The following IL21R variants were observed in gnomAD, a reference collection of about 807,000 sequenced individuals.
IL21R encodes the protein interleukin 21 receptor, also known as interleukin-21 receptor.
Under a neutral mutation model 41.3 loss-of-function variants are expected in IL21R, and 14 were observed. The ratio of observed to expected loss-of-function variants is 0.34; its 90% CI spans 0.22 to 0.53. The LOEUF (loss-of-function observed/expected upper bound fraction) is 0.53. IL21R is among the 20% of genes least tolerant of loss of function. The pLI is 0.94. For synonymous variants in IL21R, 286 were observed against 287.6 expected, an observed-to-expected ratio of 0.99 and a Z score of 0.05; for missense variants, 588 against 681.6, an observed-to-expected ratio of 0.86 and a Z score of 1.53.
At chr16:27,433,770 A>G (rs1270661878) in intron 2 of IL21R, among the ~76,000 whole-genome samples, 1 of 152,162 alleles carries the variant, frequency 6.6e-6, no homozygotes, top group East Asian at 1.9e-4. Context: ...AAAGTGTCCG[A>G]GGGCTTTTTA....
At chr16:27,429,689 G>A (rs145088497) in intron 1 of IL21R, among the ~76,000 whole-genome samples, 1 of 152,220 alleles carries the variant, frequency 6.6e-6, no homozygotes, top group East Asian at 1.9e-4. Flanking sequence ...CAGGAGGATC[G>A]CTTGAGCCCA....
intron 1 of IL21R, among the ~76,000 whole-genome samples, chr16:27,414,210 A>C (rs2086863624): frequency 9.3e-6 from 1 of 107,280 alleles, no homozygotes; most frequent in South Asian, 4.2e-4. Context: ...AGATTAAAGA[A>C]GACTCCTCTA....
intron 1 of IL21R, among the ~76,000 whole-genome samples, chr16:27,403,539 C>A (rs533286953): frequency 6.6e-6 from 1 of 152,278 alleles, no homozygotes; most frequent in South Asian, 2.1e-4. Context: ...CTTCCTCACT[C>A]GGTGAACTTG....
chr16:27,448,581 C>T lies in IL21R; in HGVS notation c.915C>T (p.Pro305=), dbSNP rs1306255395. 6.2e-7 allele frequency: 1 copy of T among 1,612,202 alleles called. No individual in the cohort carries two copies. The highest frequency in any genetic ancestry group is 1.3e-5 in the African/African-American group (1 of 74,926). Residue 305 remains proline (P), a synonymous_variant, in exon 9 of 9, where the codon CCC becomes CCT. Coordinates refer to ENST00000337929, the MANE Select transcript of IL21R (RefSeq NM_181078.3). ...PFTGSSLELG[P]WSPEVPSTLE... ...CTGGCTCCAGCCTGGAGCTGGGACC[C>T]TGGAGCCCAGAGGTGCCCTCCACCC...
At chr16:27,439,006 C>A (rs145343402) in intron 4 of IL21R, among the ~76,000 whole-genome samples, 2 of 152,116 alleles carry the variant, frequency 1.3e-5, no homozygotes, top group African/African-American at 2.4e-5. Context: ...GCAAAGGGAG[C>A]CTGCCCTCAG....
intron 1 of IL21R, among the ~76,000 whole-genome samples, chr16:27,425,020 C>T (rs537927064): frequency 4.6e-5 from 7 of 152,300 alleles, no homozygotes; most frequent in South Asian, 4.1e-4. Context: ...CATCACCAAG[C>T]GGATGGCACT....
intron 2 of IL21R, among the ~76,000 whole-genome samples, chr16:27,431,901 C>T (rs2141286444): frequency 6.6e-6 from 1 of 152,340 alleles, no homozygotes; most frequent in South Asian, 2.1e-4. Context: ...GCCTCGGCCT[C>T]CCAAAAGTGC....
At position 27,448,723 on chromosome 16, in the gene IL21R, C is replaced by A. The variant is rs753850374; in HGVS notation, c.1057C>A (p.Pro353Thr). The A allele has an allele frequency of 1.9e-6, 3 of 1,613,390 alleles. No homozygotes were observed. Among genetic ancestry groups the A allele is most frequent in the Non-Finnish European group, 2.5e-6 (3 of 1,179,996 alleles). The change falls in exon 9 of 9, where the codon CCG becomes ACG. Residue 353 changes from proline to threonine, a missense_variant. Physicochemically the swap from Pro to Thr is conservative, Grantham distance 38. Transcript: ENST00000337929. The stretch of plus-strand genomic sequence containing the variant: ...CGGTGTGCCCAAGCCCAGCTTCTGG[C>A]CGACAGCCCAGAACTCGGGGGGCTC... ...SDGVPKPSFW[P>T]TAQNSGGSAY...
At chr16:27,403,169 C>T in intron 1 of IL21R, 13 of 1,304,782 alleles carry the variant, frequency 1.0e-5, no homozygotes, top group East Asian at 3.7e-5. Context: ...CCAGGTGACC[C>T]CATGAGCTGT....
In IL21R at chr16:27,448,900, C is replaced by T; in HGVS notation, c.1234C>T (p.Pro412Ser). The T allele has an allele frequency of 6.2e-7, 1 of 1,611,916 alleles. No individual in the cohort carries two copies. Among genetic ancestry groups the T allele is most frequent in the Admixed American group, 1.7e-5 (1 of 59,932 alleles). ...LDLDAGLEPS[P>S]GLEDPLLDAG... The stretch of plus-strand genomic sequence containing the variant: ...CCTGGATGCTGGCCTGGAGCCCAGC[C>T]CAGGCCTAGAGGACCCACTCTTGGA... The change falls in exon 9 of 9, where the codon CCA (proline) becomes TCA (serine). Residue 412 changes from proline to serine, a missense_variant. Coordinates refer to ENST00000337929, the MANE Select transcript of IL21R (RefSeq NM_181078.3).
Position 27,451,666 on chromosome 16 carries a change from C to A in IL21R, c.*2383C>A, listed in dbSNP as rs1048583981. ...CCCAGGAATTTGAGGCTGCAGTGAG[C>A]TGTGATTACACCGTTGCACTCCAGC... On this transcript the variant is annotated 3_prime_UTR_variant, in exon 9 of 9. Transcript: ENST00000337929. 5 of 223,092 alleles carry A rather than the reference C, an allele frequency of 2.2e-5. No individual in the cohort carries two copies. Among genetic ancestry groups the A allele is most frequent in the Non-Finnish European group, 4.5e-5 (5 of 111,720 alleles). 13.8% of individuals were successfully genotyped at this position (223,092 alleles called of 1,614,324 possible).
At chr16:27,408,154 A>G (rs1428522335) in intron 1 of IL21R, among the ~76,000 whole-genome samples, 1 of 152,196 alleles carries the variant, frequency 6.6e-6, no homozygotes, top group Non-Finnish European at 1.5e-5. Context: ...ACCATGAGCT[A>G]TGTACTATGT....
In IL21R at chr16:27,448,739, C is replaced by CG. The variant is rs754481996; in HGVS notation, c.1079dup (p.Ser361LeufsTer5). 2.5e-6 allele frequency: 4 copies of CG among 1,613,456 alleles called. No homozygotes were observed. On this transcript the variant is annotated frameshift_variant, in exon 9 of 9. Coordinates refer to ENST00000337929, the MANE Select transcript of IL21R (RefSeq NM_181078.3). LOFTEE classifies it low-confidence loss of function (END_TRUNC). ...AGCTTCTGGCCGACAGCCCAGAACT[C>CG]GGGGGGCTCAGCTTACAGTGAGGAG...
chr16:27,420,243 A>G (rs2086978024), intron 1 of IL21R, among the ~76,000 whole-genome samples: 2 of 152,214 alleles, frequency 1.3e-5, no homozygotes, highest in Admixed American at 1.3e-4. Flanking sequence ...TGTTTCCACC[A>G]GCATCATCAC....
chr16:27,445,484 G>A (rs1440357938), intron 7 of IL21R, among the ~76,000 whole-genome samples: 2 of 152,218 alleles, frequency 1.3e-5, no homozygotes, highest in Non-Finnish European at 2.9e-5. Flanking sequence ...AGACACTGCA[G>A]TTGCCCTTAT....
rs2141322713 is a variant in IL21R, at chr16:27,450,201, G to A, written c.*918G>A. 4.3e-6 allele frequency: 1 copy of A among 232,926 alleles called. No homozygotes were observed. Among genetic ancestry groups the A allele is most frequent in the East Asian group, 6.0e-5 (1 of 16,546 alleles). The allele number at this position is 232,926 out of a possible 1,614,324, so 14.4% of individuals were successfully genotyped here. On this transcript the variant is annotated 3_prime_UTR_variant, in exon 9 of 9. Transcript: ENST00000337929. ...GGGTTTCCAGGCTTAAAATCAGTCC[G>A]TTTCGTCTCTTGGAAACAGCTCCCC... is the stretch of plus-strand genomic sequence containing the variant.
At chr16:27,406,589 G>A (rs2086752355) in intron 1 of IL21R, among the ~76,000 whole-genome samples, 1 of 151,948 alleles carries the variant, frequency 6.6e-6, no homozygotes. Context: ...GGAGGAGAAG[G>A]CCCTTCCTCT....
chr16:27,436,181 C>G (rs2087266738), intron 3 of IL21R, among the ~76,000 whole-genome samples: 1 of 152,254 alleles, frequency 6.6e-6, no homozygotes, highest in African/African-American at 2.4e-5. Flanking sequence ...GCATGGCCAG[C>G]CTCCCAAAGT....
rs143975349 is a variant in IL21R at position 27,421,744 on chromosome 16, G to A, written c.-16-8312G>A. 4.4e-3 allele frequency among the ~76,000 whole-genome samples: 666 copies of A among 152,018 alleles called. 14 individuals are homozygous for A. Among genetic ancestry groups the A allele is most frequent in the South Asian group, 0.021 (101 of 4,826 alleles). On this transcript the variant is annotated intron_variant, in intron 1 of 8. Coordinates refer to ENST00000337929, the MANE Select transcript of IL21R (RefSeq NM_181078.3). The stretch of plus-strand genomic sequence containing the variant: ...TAAATTTGTTTATTAGCTCTAATTG[G>A]TTTTTGTTCGTTTTAGGTGTAAATT...
Sources: allele counts gnomAD v4.1 joint callset (sites outside exome capture counted in the v4.1 genomes callset), GRCh38; gene constraint gnomAD v4.1.1; transcripts MANE v1.5; gene names NCBI Gene and HGNC (gene_info 2026-07-23, HGNC 2026-07-21).